Variants in SMARCA2 observed in about 807,000 individuals in gnomAD.
SMARCA2 encodes the protein SWI/SNF related BAF chromatin remodeling complex subunit ATPase 2, also known as SWI/SNF-related matrix-associated actin-dependent regulator of chromatin subfamily A member 2.
In SMARCA2, 61 loss-of-function variants were observed where a neutral mutation model predicts 199.8. The observed-to-expected ratio is 0.31, with a 90% CI of 0.25 to 0.38. SMARCA2 has a LOEUF of 0.38. Ranked by LOEUF, SMARCA2 falls within the 10% of genes least tolerant of loss-of-function variation. The probability of loss-of-function intolerance (pLI) is 1.00; values close to 1 mark genes in which losing one functional copy is unlikely to be tolerated. For synonymous variants in SMARCA2, 935 were observed against 732.0 expected, an observed-to-expected ratio of 1.28 and a Z score of -4.48; for missense variants, 1,344 against 2,012.2, an observed-to-expected ratio of 0.67 and a Z score of 6.35.
At chr9:2,096,872 T>A in intron 20 of SMARCA2, 108 bp downstream of exon 20, 1 of 743,898 alleles carries the variant, frequency 1.3e-6, no homozygotes, top group Non-Finnish European at 2.4e-6. Context: ...TTTGTTAAAG[T>A]AAATCACTGG....
At chr9:2,058,987 T>C (rs1820470967) in intron 8 of SMARCA2, among the ~76,000 whole-genome samples, 1 of 152,240 alleles carries the variant, frequency 6.6e-6, no homozygotes, top group African/African-American at 2.4e-5. Flanking sequence ...AATGTTGCCT[T>C]TTTTGTGATA....
intron 8 of SMARCA2, among the ~76,000 whole-genome samples, chr9:2,058,948 G>T (rs1030612845): frequency 6.6e-6 from 1 of 152,176 alleles, no homozygotes; most frequent in Non-Finnish European, 1.5e-5. Flanking sequence ...CTCTAACAGT[G>T]TAATAAGTGA....
chr9:2,015,632 T>A (rs1010697620), intron 1 of SMARCA2, among the ~76,000 whole-genome samples: 7 of 152,166 alleles, frequency 4.6e-5, no homozygotes, highest in African/African-American at 1.4e-4. Context: ...TGGAATGCTC[T>A]AACGACAGCT....
intron 14 of SMARCA2, among the ~76,000 whole-genome samples, chr9:2,081,497 C>T (rs1358784609): frequency 6.6e-6 from 1 of 152,106 alleles, no homozygotes; most frequent in East Asian, 1.9e-4. Context: ...GCTTTTTATT[C>T]TTGGAGTGGT....
intron 14 of SMARCA2, among the ~76,000 whole-genome samples, chr9:2,081,184 C>G (rs1272151917): frequency 6.6e-6 from 1 of 152,146 alleles, no homozygotes; most frequent in Non-Finnish European, 1.5e-5. Flanking sequence ...CCCAACCTTA[C>G]TTTTGTACTT....
Position 2,097,269 on chromosome 9 carries a change from G to T in SMARCA2, c.2992-116G>T. On this transcript the variant is annotated intron_variant, in intron 20 of 33. Coordinates refer to ENST00000349721, the MANE Select transcript of SMARCA2 (RefSeq NM_003070.5). ...AAGCTTTGAACCACAAGGTGTGTAGGTGACTGAAAAAACCTATGGTCCTTT... is the reference window on the plus strand; with the variant it reads ...AAGCTTTGAACCACAAGGTGTGTAGTTGACTGAAAAAACCTATGGTCCTTT... The T allele has an allele frequency of 9.2e-6, 6 of 653,800 alleles. No individual in the cohort carries two copies. In the East Asian group the frequency reaches 1.6e-4, roughly 17 times the overall value. 40.5% of individuals were successfully genotyped at this position (653,800 alleles called of 1,614,324 possible).
intron 17 of SMARCA2, among the ~76,000 whole-genome samples, 164 bp downstream of exon 17, chr9:2,084,360 T>C (rs1223756326): frequency 6.7e-6 from 1 of 149,414 alleles, no homozygotes; most frequent in Non-Finnish European, 1.5e-5. Context: ...TGGATTTGAT[T>C]TCATGCATGC....
Position 2,161,733 on chromosome 9 carries a change from T to G in SMARCA2, c.4029T>G (p.Leu1343=), listed in dbSNP as rs150227062. ...AGGAAATGGAAGAGGAAGTACGGCT[T>G]AAGAAGCGAAAAAGACGAAGAAATG... is the stretch of plus-strand genomic sequence containing the variant. ...NLEEMEEEVR[L]KKRKRRRNVD... is the part of the protein sequence containing the mutation. The change falls in exon 28 of 34, where the codon CTT becomes CTG. Residue 1343 remains leucine (L), a synonymous_variant. Transcript: ENST00000349721. This position sits in a 1 kb window ranked among gnomAD's most constrained non-coding sequence, Gnocchi z 4.7. 3.4e-4 allele frequency: 552 copies of G among 1,613,868 alleles called. 3 individuals are homozygous for G. The highest frequency in any genetic ancestry group is 2.9e-4 in the Non-Finnish European group (337 of 1,179,958).
At chr9:2,096,794 G>T (rs117591955) in intron 20 of SMARCA2, 30 bp downstream of exon 20, 1 of 1,298,630 alleles carries the variant, frequency 7.7e-7, no homozygotes, top group Non-Finnish European at 1.1e-6. Flanking sequence ...GCAACTCAAG[G>T]TGCTGTGGTA....
At chr9:2,105,303 T>C (rs962286776) in intron 23 of SMARCA2, among the ~76,000 whole-genome samples, 3 of 152,162 alleles carry the variant, frequency 2.0e-5, no homozygotes, top group African/African-American at 4.8e-5. Context: ...TGGAATGCAG[T>C]GGCATGATCT....
intron 27 of SMARCA2, among the ~76,000 whole-genome samples, chr9:2,155,587 G>C (rs7874706): frequency 0.037 from 5,659 of 152,038 alleles, 121 homozygotes; most frequent in Non-Finnish European, 0.045. Flanking sequence ...GGGCATTTTC[G>C]TTTTTCCAAC....
rs1182185541 is a variant in SMARCA2, at chr9:2,029,037, A to G, written c.15A>G (p.Thr5=). 3.2e-6 allele frequency: 5 copies of G among 1,551,452 alleles called. No individual in the cohort carries two copies. The highest frequency in any genetic ancestry group is 1.4e-5 in the African/African-American group (1 of 73,030). The change falls in exon 2 of 34, where the codon ACA becomes ACG. Residue 5 remains threonine, a synonymous_variant. Transcript: ENST00000349721. ...AGGAGAGGTAGATGTCCACGCCCACAGACCCTGGTGCGATGCCCCACCCAG... is the reference window on the plus strand; with the variant it reads ...AGGAGAGGTAGATGTCCACGCCCACGGACCCTGGTGCGATGCCCCACCCAG... MSTP[T]DPGAMPHPGP...
At chr9:2,061,105 T>C (rs1052642193) in intron 9 of SMARCA2, 119 bp downstream of exon 9, 13 of 960,076 alleles carry the variant, frequency 1.4e-5, no homozygotes, top group African/African-American at 1.2e-4. Context: ...GATGATTGAA[T>C]TGTGAAAATT....
intron 1 of SMARCA2, 64 bp from the exon 2 acceptor site, chr9:2,028,923 G>A: frequency 7.5e-7 from 1 of 1,331,288 alleles, no homozygotes. Flanking sequence ...GCTAACAATT[G>A]TTTTATTCTG....
intron 14 of SMARCA2, among the ~76,000 whole-genome samples, chr9:2,079,194 G>A (rs576777196): frequency 9.4e-4 from 143 of 152,174 alleles, no homozygotes; most frequent in Non-Finnish European, 1.6e-3. Context: ...GGGACTCTGC[G>A]GAAATCAACA....
chr9:2,147,663 C>T (rs761839670), intron 27 of SMARCA2, among the ~76,000 whole-genome samples: 10 of 151,978 alleles, frequency 6.6e-5, no homozygotes, highest in Non-Finnish European at 1.3e-4. Flanking sequence ...CTGGCCAACA[C>T]GGCAAAACCC....
intron 27 of SMARCA2, among the ~76,000 whole-genome samples, chr9:2,129,220 C>T (rs185993095): frequency 6.6e-6 from 1 of 152,098 alleles, no homozygotes; most frequent in Non-Finnish European, 1.5e-5. Context: ...AGATCGAGAC[C>T]ATCCTGGCTA....
At chr9:2,167,748 T>A (rs994186845) in intron 28 of SMARCA2, among the ~76,000 whole-genome samples, 27 of 152,360 alleles carry the variant, frequency 1.8e-4, no homozygotes, top group African/African-American at 6.0e-4. Context: ...TTCATTCTTT[T>A]TAGAAATATT....
At chr9:2,034,198 C>T (rs1484355597) in intron 3 of SMARCA2, among the ~76,000 whole-genome samples, 1 of 145,254 alleles carries the variant, frequency 6.9e-6, no homozygotes, top group African/African-American at 2.6e-5. Context: ...GAGCCGAGAT[C>T]GCACCATTGC....
Sources: gnomAD v4.1 joint callset for allele counts (sites outside exome capture counted in the v4.1 genomes callset) on GRCh38, gnomAD v4.1.1 for gene constraint, Gnocchi (gnomAD v3.1) non-coding constraint, MANE v1.5 for transcripts, NCBI Gene and HGNC (gene_info 2026-07-23, HGNC 2026-07-21) for gene names.